NTNG1: variants seen among roughly 807,000 people sequenced by gnomAD.
The protein encoded by NTNG1 is netrin-G1.
A neutral mutation model predicts 54.0 loss-of-function variants in NTNG1; 16 were observed. That is an observed-to-expected ratio of 0.30 (90% CI 0.20 to 0.45). The LOEUF is 0.45. NTNG1 is among the 20% of genes least tolerant of loss of function. NTNG1 has a pLI of 1.00. For synonymous variants in NTNG1, 255 were observed against 263.1 expected (o/e 0.97, Z 0.30); for missense variants, 530 against 678.7 (o/e 0.78, Z 2.43).
chr1:107,426,798 C>A (rs1286849999), intron 5 of NTNG1, among the ~76,000 whole-genome samples: 1 of 151,938 alleles, frequency 6.6e-6, no homozygotes, highest in Non-Finnish European at 1.5e-5. Context: ...AATATTAATT[C>A]TTTCAACCCA....
intron 2 of NTNG1, among the ~76,000 whole-genome samples, chr1:107,173,640 T>TTA (rs1382339015): frequency 6.6e-6 from 1 of 152,120 alleles, no homozygotes; most frequent in Non-Finnish European, 1.5e-5. Context: ...GTGTGAGGTG[T>TTA]TTAATAAGTT....
chr1:107,445,142 T>A (rs1353037097), intron 7 of NTNG1, among the ~76,000 whole-genome samples: 1 of 152,096 alleles, frequency 6.6e-6, no homozygotes, highest in East Asian at 1.9e-4. Context: ...AGATAGACTA[T>A]GATGAGAGGG....
intron 3 of NTNG1, among the ~76,000 whole-genome samples, chr1:107,386,762 T>G (rs1174148300): frequency 6.6e-6 from 1 of 152,228 alleles, no homozygotes; most frequent in Non-Finnish European, 1.5e-5. Context: ...GATGTAAAAT[T>G]TATGGGTCAT....
intron 3 of NTNG1, among the ~76,000 whole-genome samples, chr1:107,357,444 C>T (rs892795785): frequency 6.6e-6 from 1 of 152,166 alleles, no homozygotes; most frequent in African/African-American, 2.4e-5. Context: ...AAGTCTTGGA[C>T]CCCAAAATCT....
intron 2 of NTNG1, among the ~76,000 whole-genome samples, chr1:107,296,419 T>C (rs1665943329): frequency 6.6e-6 from 1 of 151,990 alleles, no homozygotes; most frequent in Admixed American, 6.6e-5. Context: ...TGAAACCTGA[T>C]TCGACAATCT....
chr1:107,433,957 C>T (rs974839215), intron 6 of NTNG1, among the ~76,000 whole-genome samples: 7 of 152,140 alleles, frequency 4.6e-5, no homozygotes, highest in Non-Finnish European at 1.0e-4. Flanking sequence ...CTGTTAAATT[C>T]GAAAGGATAC....
intron 4 of NTNG1, among the ~76,000 whole-genome samples, chr1:107,405,547 ATTTCTGCATC>A (rs1673359786): frequency 1.3e-5 from 2 of 152,146 alleles, no homozygotes; most frequent in South Asian, 4.1e-4. Flanking sequence ...GAATGAAAAA[ATTTCTGCATC>A]TTTCCAAAGT....
chr1:107,299,195 TCAAAGTTG>T (rs1358145741), intron 2 of NTNG1, among the ~76,000 whole-genome samples: 2 of 152,146 alleles, frequency 1.3e-5, no homozygotes, highest in Non-Finnish European at 2.9e-5. Context: ...TGTGGACAAC[TCAAAGTTG>T]CAAAGAGATA....
At chr1:107,297,653 C>A (rs1479775976) in intron 2 of NTNG1, among the ~76,000 whole-genome samples, 1 of 152,052 alleles carries the variant, frequency 6.6e-6, no homozygotes, top group Non-Finnish European at 1.5e-5. Context: ...AAATTTGTCT[C>A]TCCCCAAACA....
intron 2 of NTNG1, among the ~76,000 whole-genome samples, chr1:107,168,097 G>A (rs190927035): frequency 1.3e-5 from 2 of 152,136 alleles, no homozygotes; most frequent in Admixed American, 1.3e-4. Context: ...TTTGAAACAA[G>A]ATTATTCATG....
intron 2 of NTNG1, among the ~76,000 whole-genome samples, chr1:107,263,065 G>T (rs1663462624): frequency 6.6e-6 from 1 of 152,210 alleles, no homozygotes; most frequent in South Asian, 2.1e-4. Flanking sequence ...TCTGATAAAA[G>T]AGGGGGGAAT....
Position 107,481,192 on chromosome 1 carries a change from G to A in NTNG1, c.*352G>A, listed in dbSNP as rs1012158138. On this transcript the variant is annotated 3_prime_UTR_variant, in exon 8 of 8. Transcript: ENST00000370068. Reference sequence around the variant, plus strand: ...ACCTAAAAACATTGGCTACTCTAGCGTGGTGCGCCCTAGTACGACTCCGCC... The same window carrying A: ...ACCTAAAAACATTGGCTACTCTAGCATGGTGCGCCCTAGTACGACTCCGCC... 3.2e-6 allele frequency: 1 copy of A among 309,490 alleles called. No homozygotes were observed. The highest frequency in any genetic ancestry group is 9.2e-4 in the Middle Eastern group (1 of 1,084). 19.2% of individuals were successfully genotyped at this position (309,490 alleles called of 1,614,324 possible). A position where few individuals can be genotyped will look rare whatever the true frequency, so the allele number is the denominator to read the frequency against.
At chr1:107,257,675 G>C (rs919532289) in intron 2 of NTNG1, among the ~76,000 whole-genome samples, 14 of 152,144 alleles carry the variant, frequency 9.2e-5, no homozygotes, top group African/African-American at 3.1e-4. Context: ...GCACTGTGTG[G>C]GGGGATTAGA....
chr1:107,234,312 G>T (rs938879034), intron 2 of NTNG1, among the ~76,000 whole-genome samples: 1 of 152,076 alleles, frequency 6.6e-6, no homozygotes, highest in Non-Finnish European at 1.5e-5. Context: ...TAGTAGACAT[G>T]TGTTTCCCCC....
intron 7 of NTNG1, among the ~76,000 whole-genome samples, chr1:107,469,399 AGCTAGC>A (rs1369197790): frequency 1.3e-5 from 2 of 152,152 alleles, no homozygotes; most frequent in African/African-American, 4.8e-5. Context: ...CCTTTCAGCT[AGCTAGC>A]TACTAATAAT....
intron 3 of NTNG1, among the ~76,000 whole-genome samples, chr1:107,378,871 A>C (rs1025375240): frequency 3.3e-5 from 5 of 152,152 alleles, no homozygotes; most frequent in African/African-American, 9.7e-5. Context: ...CAGTCCCCCC[A>C]CACATGAAAC....
intron 7 of NTNG1, among the ~76,000 whole-genome samples, chr1:107,445,779 T>C (rs1676271891): frequency 6.6e-6 from 1 of 152,094 alleles, no homozygotes; most frequent in Non-Finnish European, 1.5e-5. Flanking sequence ...TACTCAACCC[T>C]GCTATTGTAC....
At chr1:107,407,902 A>G (rs1673548422) in intron 5 of NTNG1, 194 bp downstream of exon 5, 1 of 738,968 alleles carries the variant, frequency 1.4e-6, no homozygotes, top group Non-Finnish European at 2.5e-6. Flanking sequence ...ATTTGTGCAT[A>G]ACTCCATGAA....
intron 3 of NTNG1, among the ~76,000 whole-genome samples, chr1:107,384,252 C>T (rs866521925): frequency 2.0e-5 from 3 of 152,180 alleles, no homozygotes; most frequent in Non-Finnish European, 2.9e-5. Flanking sequence ...CTAATAGAAC[C>T]AGCAGTTTAC....
Sources: allele counts gnomAD v4.1 joint callset (sites outside exome capture counted in the v4.1 genomes callset), GRCh38; gene constraint gnomAD v4.1.1; transcripts MANE v1.5; gene names NCBI Gene and HGNC (gene_info 2026-07-23, HGNC 2026-07-21).